Variants in ABCA13 observed in about 807,000 individuals in gnomAD.
ABCA13 encodes ATP binding cassette subfamily A member 13, also known as ATP-binding cassette sub-family A member 13.
Under a neutral mutation model 478.7 loss-of-function variants are expected in ABCA13, and 476 were observed. That is an observed-to-expected ratio of 0.99 (90% CI 0.92 to 1.07). The LOEUF (loss-of-function observed/expected upper bound fraction) is 1.07, where lower values mean the gene tolerates loss of function less well. Among genes scored for constraint, ABCA13 ranks in the 50% least tolerant of loss-of-function variants. The probability of loss-of-function intolerance (pLI) is 0.00; values close to 1 mark genes in which losing one functional copy is unlikely to be tolerated. For missense variants in ABCA13, 6,060 were observed against 5,910.6 expected (o/e 1.03, Z -0.83); for synonymous variants, 2,252 against 2,158.9 (o/e 1.04, Z -1.20).
intron 3 of ABCA13, among the ~76,000 whole-genome samples, chr7:48,201,896 C>T (rs1017342295): frequency 6.6e-6 from 1 of 152,080 alleles, no homozygotes; most frequent in Non-Finnish European, 1.5e-5. Context: ...TCGGACGTGT[C>T]CGGAGTTTCT....
In ABCA13 at chr7:48,273,579, A is replaced by G. The variant is rs1795908390; in HGVS notation, c.3913A>G (p.Ile1305Val). ...ATATATAGTCAGAAATCTAGATTCAATAAATGACTTTCTTTCAAATAATCT... is the reference window on the plus strand; with the variant it reads ...ATATATAGTCAGAAATCTAGATTCAGTAAATGACTTTCTTTCAAATAATCT... Reference protein sequence around the residue: ...SEYIVRNLDSINDFLSNNLTN... With the variant: ...SEYIVRNLDSVNDFLSNNLTN... Residue 1305 changes from isoleucine (I) to valine (V), a missense_variant, in exon 17 of 62, where the codon ATA becomes GTA. Coordinates refer to ENST00000435803, the MANE Select transcript of ABCA13 (RefSeq NM_152701.5). The G allele has an allele frequency of 5.0e-6, 8 of 1,585,990 alleles. No homozygotes were observed. Among genetic ancestry groups the G allele is most frequent in the African/African-American group, 1.3e-5 (1 of 74,532 alleles).
chr7:48,224,342 G>C (rs917602830), intron 5 of ABCA13, among the ~76,000 whole-genome samples: 3 of 152,172 alleles, frequency 2.0e-5, no homozygotes, highest in Non-Finnish European at 4.4e-5. Flanking sequence ...CTTGTTCCAG[G>C]AAACATCTCA....
intron 1 of ABCA13, among the ~76,000 whole-genome samples, chr7:48,180,761 G>T (rs1189423289): frequency 6.6e-6 from 1 of 152,104 alleles, no homozygotes; most frequent in Non-Finnish European, 1.5e-5. Flanking sequence ...TCTAAGCCAG[G>T]TGTGGTGGCA....
intron 20 of ABCA13, 123 bp downstream of exon 20, chr7:48,288,201 C>G: frequency 1.1e-6 from 1 of 882,342 alleles, no homozygotes; most frequent in Non-Finnish European, 1.8e-6. Flanking sequence ...CATACACAGT[C>G]TTGTTGCAAG....
chr7:48,568,216 C>T (rs2131305121), intron 55 of ABCA13, among the ~76,000 whole-genome samples: 1 of 152,192 alleles, frequency 6.6e-6, no homozygotes. Context: ...CATTAATTTA[C>T]TTTCTATCTC....
chr7:48,253,166 G>A (rs1792832823), intron 15 of ABCA13, among the ~76,000 whole-genome samples: 2 of 152,128 alleles, frequency 1.3e-5, no homozygotes, highest in Admixed American at 1.3e-4. Flanking sequence ...ATTACTCCTA[G>A]CCGCCTGCAG....
At chr7:48,367,397 C>T (rs1811844353) in intron 31 of ABCA13, among the ~76,000 whole-genome samples, 1 of 152,106 alleles carries the variant, frequency 6.6e-6, no homozygotes, top group Non-Finnish European at 1.5e-5. Flanking sequence ...CCAATTTTCA[C>T]GTATTTTGTA....
Position 48,506,358 on chromosome 7 carries a change from A to T in ABCA13, c.13314A>T (p.Pro4438=). 1 of 1,613,856 alleles carries T rather than the reference A, an allele frequency of 6.2e-7. No individual in the cohort carries two copies. The highest frequency in any genetic ancestry group is 8.5e-7 in the Non-Finnish European group (1 of 1,179,808). The change falls in exon 49 of 62, where the codon CCA becomes CCT. Residue 4438 remains proline (P), a synonymous_variant. Transcript: ENST00000435803. The part of the protein sequence containing the change: ...RQYGITLYSH[P]YGGALLNEDK... ...CAGGAATAACACTCTACAGCCACCC[A>T]TATGGAGGGGCCTTGCTGAACGAGG...
intron 55 of ABCA13, among the ~76,000 whole-genome samples, chr7:48,538,045 T>C (rs1473665512): frequency 6.6e-6 from 1 of 151,546 alleles, no homozygotes; most frequent in African/African-American, 2.4e-5. Flanking sequence ...TTTATCAAAC[T>C]TTAGAAGGCT....
chr7:48,549,411 C>T (rs1395533677), intron 55 of ABCA13, among the ~76,000 whole-genome samples: 1 of 151,856 alleles, frequency 6.6e-6, no homozygotes, highest in East Asian at 1.9e-4. Flanking sequence ...TTTTTTATGG[C>T]TGCATAGTAT....
intron 6 of ABCA13, 76 bp from the exon 7 acceptor site, chr7:48,229,749 A>G (rs1788774647): frequency 6.4e-7 from 1 of 1,560,956 alleles, no homozygotes; most frequent in African/African-American, 1.3e-5. Flanking sequence ...CATGGGATGT[A>G]AGTAAACCTA....
chr7:48,342,752 C>A (rs895426832), intron 29 of ABCA13, among the ~76,000 whole-genome samples: 1 of 152,092 alleles, frequency 6.6e-6, no homozygotes, highest in African/African-American at 2.4e-5. Flanking sequence ...ATTTCCTTTT[C>A]TATATAATCC....
chr7:48,219,405 C>T lies in ABCA13; in HGVS notation c.339C>T (p.Ala113=). The change falls in exon 4 of 62, where the codon GCC becomes GCT. Residue 113 remains alanine (A), a synonymous_variant. Coordinates refer to ENST00000435803, the MANE Select transcript of ABCA13 (RefSeq NM_152701.5). ...AADPKKVNNL[A]FLKEIQDLAE... ...ACCCCAAGAAAGTCAACAACCTGGC[C>T]TTTTTAAAAGAGATACAAGACCTGG... 2 of 1,612,484 alleles carry T rather than the reference C, an allele frequency of 1.2e-6. No homozygotes were observed. The highest frequency in any genetic ancestry group is 2.2e-5 in the East Asian group (1 of 44,796).
intron 48 of ABCA13, among the ~76,000 whole-genome samples, chr7:48,498,509 G>A (rs1483414863): frequency 6.6e-6 from 1 of 152,112 alleles, no homozygotes; most frequent in Admixed American, 6.6e-5. Flanking sequence ...GTTATGTCCA[G>A]CAGTTTTTTA....
intron 42 of ABCA13, among the ~76,000 whole-genome samples, chr7:48,439,302 G>C (rs1823267025): frequency 6.6e-6 from 1 of 152,096 alleles, no homozygotes; most frequent in African/African-American, 2.4e-5. Flanking sequence ...TTGGCTGGCT[G>C]TCAGCTGGGG....
At chr7:48,488,641 T>C (rs889285305) in intron 47 of ABCA13, among the ~76,000 whole-genome samples, 3 of 152,350 alleles carry the variant, frequency 2.0e-5, no homozygotes, top group South Asian at 2.1e-4. Context: ...TATATTTTCA[T>C]TTTTATTAAA....
At chr7:48,368,774 T>TAC (rs1190493031) in intron 32 of ABCA13, among the ~76,000 whole-genome samples, 2 of 122,258 alleles carry the variant, frequency 1.6e-5, no homozygotes, top group Non-Finnish European at 3.5e-5. Flanking sequence ...CACATATACA[T>TAC]ATACACACAC....
chr7:48,638,309 G>A (rs1794846520), intron 59 of ABCA13, among the ~76,000 whole-genome samples: 1 of 152,166 alleles, frequency 6.6e-6, no homozygotes, highest in South Asian at 2.1e-4. Context: ...ATCTATGAAT[G>A]GTGGAGTCAT....
At chr7:48,423,205 T>C (rs549973687) in intron 41 of ABCA13, among the ~76,000 whole-genome samples, 1 of 152,354 alleles carries the variant, frequency 6.6e-6, no homozygotes, top group South Asian at 2.1e-4. Context: ...CTCTAGTGTT[T>C]CGTATCATCT....
Sources: gnomAD v4.1 joint callset for allele counts (sites outside exome capture counted in the v4.1 genomes callset) on GRCh38, gnomAD v4.1.1 for gene constraint, MANE v1.5 for transcripts, NCBI Gene and HGNC (gene_info 2026-07-23, HGNC 2026-07-21) for gene names.